ERGIC1: variants seen among roughly 807,000 people sequenced by gnomAD.
ERGIC1 encodes endoplasmic reticulum-Golgi intermediate compartment protein 1.
A neutral mutation model predicts 38.3 loss-of-function variants in ERGIC1; 19 were observed. That is an observed-to-expected ratio of 0.50 (90% CI 0.35 to 0.73). ERGIC1 has a LOEUF of 0.73. Ranked by LOEUF, ERGIC1 falls within the 30% of genes least tolerant of loss-of-function variation. The pLI, the probability that ERGIC1 is intolerant of heterozygous loss-of-function variation, is 0.01. For synonymous variants in ERGIC1, 124 were observed against 157.6 expected (o/e 0.79, Z 1.60); for missense variants, 294 against 389.2 (o/e 0.76, Z 2.06).
chr5:172,932,628 C>T lies in ERGIC1; in HGVS notation c.642+92C>T, dbSNP rs985517533. On this transcript the variant is annotated intron_variant, in intron 8 of 9. Coordinates refer to ENST00000393784, the MANE Select transcript of ERGIC1 (RefSeq NM_001031711.3). ...ACAGGCGGCTGCACCGACGCACTTT[C>T]TTCTGATTCCTTTCTGGAGGCCTTT... The T allele has an allele frequency of 2.0e-5, 26 of 1,276,418 alleles. No individual in the cohort carries two copies. The African/African-American group carries it at 3.7e-4, about 18-fold the overall frequency. The allele number at this position is 1,276,418 out of a possible 1,614,324, so 79.1% of individuals were successfully genotyped here.
intron 1 of ERGIC1, among the ~76,000 whole-genome samples, chr5:172,852,581 A>G (rs1441524160): frequency 6.6e-6 from 1 of 152,210 alleles, no homozygotes; most frequent in African/African-American, 2.4e-5. Context: ...CTTGTTCTCT[A>G]CCAGGTCCCC....
intron 7 of ERGIC1, among the ~76,000 whole-genome samples, chr5:172,928,389 G>T (rs1039415585): frequency 3.9e-5 from 6 of 152,206 alleles, no homozygotes; most frequent in African/African-American, 1.4e-4. Flanking sequence ...GCCTTTGTAG[G>T]TCCCTCTGTG....
chr5:172,912,732 CA>C (rs1422637353), intron 4 of ERGIC1, among the ~76,000 whole-genome samples: 3 of 151,750 alleles, frequency 2.0e-5, no homozygotes, highest in Non-Finnish European at 4.4e-5. Context: ...GAGAGTCTAG[CA>C]CGTAGTAAGT....
At chr5:172,854,475 G>C (rs1372607903) in intron 1 of ERGIC1, among the ~76,000 whole-genome samples, 1 of 152,262 alleles carries the variant, frequency 6.6e-6, no homozygotes, top group Non-Finnish European at 1.5e-5. Flanking sequence ...TGGGGCCACT[G>C]TCTGTTGGGT....
At chr5:172,927,395 G>A (rs1375518727) in intron 7 of ERGIC1, among the ~76,000 whole-genome samples, 1 of 152,060 alleles carries the variant, frequency 6.6e-6, no homozygotes, top group Non-Finnish European at 1.5e-5. Context: ...CCGACAAATC[G>A]AACCTCATTT....
At chr5:172,851,211 A>T (rs947986897) in intron 1 of ERGIC1, among the ~76,000 whole-genome samples, 38 of 150,476 alleles carry the variant, frequency 2.5e-4, no homozygotes, top group Non-Finnish European at 4.4e-4. Context: ...AAAAAAAAAA[A>T]AAAAAAAAAT....
At chr5:172,899,553 A>G (rs907558457) in intron 3 of ERGIC1, among the ~76,000 whole-genome samples, 1 of 151,866 alleles carries the variant, frequency 6.6e-6, no homozygotes, top group Non-Finnish European at 1.5e-5. Flanking sequence ...CTGACCTCAA[A>G]TGATCCACCC....
intron 3 of ERGIC1, among the ~76,000 whole-genome samples, chr5:172,908,309 G>GT (rs1763093078): frequency 5.4e-5 from 2 of 36,748 alleles, no homozygotes; most frequent in Non-Finnish European, 1.1e-4. Flanking sequence ...GCGGGGGCGG[G>GT]GGGGGGGGGA....
At chr5:172,893,885 A>ATG (rs1762632537) in intron 2 of ERGIC1, among the ~76,000 whole-genome samples, 1 of 12,682 alleles carries the variant, frequency 7.9e-5, no homozygotes, top group Non-Finnish European at 1.9e-4. Flanking sequence ...ATATATATAT[A>ATG]TATATATATA....
intron 9 of ERGIC1, among the ~76,000 whole-genome samples, chr5:172,949,965 C>A (rs891321955): frequency 6.6e-6 from 1 of 152,054 alleles, no homozygotes; most frequent in African/African-American, 2.4e-5. Flanking sequence ...CCCAGCTACT[C>A]GGGAGGCTGA....
chr5:172,862,692 T>C (rs1009335412), intron 1 of ERGIC1, among the ~76,000 whole-genome samples: 5 of 152,210 alleles, frequency 3.3e-5, no homozygotes, highest in African/African-American at 1.2e-4. Flanking sequence ...TACCAGTGTT[T>C]CTCAAATTTC....
intron 6 of ERGIC1, among the ~76,000 whole-genome samples, chr5:172,925,244 GA>G (rs1395974526): frequency 6.6e-6 from 1 of 151,668 alleles, no homozygotes; most frequent in Non-Finnish European, 1.5e-5. Context: ...CCCAAAAAAA[GA>G]AAAAATAAAA....
At chr5:172,911,059 G>A (rs1184866243) in intron 4 of ERGIC1, among the ~76,000 whole-genome samples, 4 of 152,130 alleles carry the variant, frequency 2.6e-5, no homozygotes, top group South Asian at 2.1e-4. Flanking sequence ...CCTGGACTGG[G>A]GTTCCAGCCG....
chr5:172,910,664 A>C (rs2113385406), intron 4 of ERGIC1, among the ~76,000 whole-genome samples: 1 of 151,924 alleles, frequency 6.6e-6, no homozygotes, highest in East Asian at 1.9e-4. Flanking sequence ...AGCTGGGATT[A>C]CAGGTGCGCA....
chr5:172,932,622 C>T, intron 8 of ERGIC1, 86 bp downstream of exon 8: 2 of 1,342,564 alleles, frequency 1.5e-6, no homozygotes, highest in East Asian at 2.4e-5. Flanking sequence ...TGCACCGACG[C>T]ACTTTCTTCT....
chr5:172,937,811 C>T (rs1301949755), intron 9 of ERGIC1: 1 of 151,972 alleles, frequency 6.6e-6, no homozygotes, highest in Non-Finnish European at 1.5e-5. Flanking sequence ...CAAGACCAGC[C>T]TAGCCAACAT....
At chr5:172,950,392 C>A (rs559474806) in intron 9 of ERGIC1, among the ~76,000 whole-genome samples, 1 of 152,198 alleles carries the variant, frequency 6.6e-6, no homozygotes, top group Non-Finnish European at 1.5e-5. Flanking sequence ...AGGCAAGTCA[C>A]CTGATGAACC....
At chr5:172,840,635 C>G (rs1351033732) in intron 1 of ERGIC1, among the ~76,000 whole-genome samples, 3 of 152,096 alleles carry the variant, frequency 2.0e-5, no homozygotes, top group Non-Finnish European at 4.4e-5. Flanking sequence ...AGTTCCCGTC[C>G]CACCCATCAC....
chr5:172,849,570 C>T (rs1761353533), intron 1 of ERGIC1, among the ~76,000 whole-genome samples: 1 of 152,152 alleles, frequency 6.6e-6, no homozygotes, highest in Non-Finnish European at 1.5e-5. Context: ...GTTTTCTCTG[C>T]AGATGAGGAA....
Sources: gnomAD v4.1 joint callset for allele counts (sites outside exome capture counted in the v4.1 genomes callset) on GRCh38, gnomAD v4.1.1 for gene constraint, MANE v1.5 for transcripts, NCBI Gene and HGNC (gene_info 2026-07-23, HGNC 2026-07-21) for gene names.